ARHGEF26: variants seen among roughly 807,000 people sequenced by gnomAD.
ARHGEF26 encodes Rho guanine nucleotide exchange factor 26, also known as Rho guanine nucleotide exchange factor (GEF) 26.
ARHGEF26 carries 59 observed loss-of-function variants against 89.4 expected under a neutral mutation model. The observed-to-expected ratio is 0.66, with a 90% confidence interval of 0.54 to 0.82. The LOEUF is 0.82. ARHGEF26 is among the 40% of genes least tolerant of loss of function. The pLI is 0.00. For synonymous variants in ARHGEF26, 500 were observed against 428.4 expected, an observed-to-expected ratio of 1.17 and a Z score of -2.06; for missense variants, 1,234 against 1,085.6, an observed-to-expected ratio of 1.14 and a Z score of -1.92.
At chr3:154,132,352 C>G (rs192926469) in intron 4 of ARHGEF26, among the ~76,000 whole-genome samples, 82 of 152,176 alleles carry the variant, frequency 5.4e-4, no homozygotes, top group Non-Finnish European at 7.4e-5. Flanking sequence ...TCCTTCCTTT[C>G]CAGTTCTTTT....
intron 9 of ARHGEF26, among the ~76,000 whole-genome samples, chr3:154,213,109 A>C (rs560705345): frequency 4.6e-5 from 7 of 152,100 alleles, no homozygotes; most frequent in Non-Finnish European, 1.0e-4. Context: ...ATCTTACTGC[A>C]TACTGCCAGG....
At chr3:154,146,100 A>C (rs1391674379) in intron 4 of ARHGEF26, among the ~76,000 whole-genome samples, 1 of 152,230 alleles carries the variant, frequency 6.6e-6, no homozygotes, top group Non-Finnish European at 1.5e-5. Flanking sequence ...TATAAACAAC[A>C]GAAATTTATT....
At chr3:154,180,023 G>A (rs1226208508) in intron 6 of ARHGEF26, among the ~76,000 whole-genome samples, 1 of 152,106 alleles carries the variant, frequency 6.6e-6, no homozygotes, top group African/African-American at 2.4e-5. Flanking sequence ...TCAGCTTCTA[G>A]AAGTCACTTT....
chr3:154,248,819 A>C (rs1219361393), intron 12 of ARHGEF26, among the ~76,000 whole-genome samples: 1 of 152,242 alleles, frequency 6.6e-6, no homozygotes, highest in African/African-American at 2.4e-5. Flanking sequence ...GATTTTTTAA[A>C]ATTTGGCAAA....
intron 6 of ARHGEF26, among the ~76,000 whole-genome samples, chr3:154,175,708 G>T (rs116988958): frequency 6.6e-6 from 1 of 152,122 alleles, no homozygotes; most frequent in Non-Finnish European, 1.5e-5. Flanking sequence ...TCTCAATAAC[G>T]GAAGGAGGGT....
chr3:154,143,449 C>A (rs1482791617), intron 4 of ARHGEF26, among the ~76,000 whole-genome samples: 4 of 152,030 alleles, frequency 2.6e-5, no homozygotes, highest in African/African-American at 9.7e-5. Flanking sequence ...TTTTAAAGCC[C>A]ACATACTAGC....
chr3:154,149,403 A>G lies in ARHGEF26; in HGVS notation c.1284A>G (p.Gly428=). Residue 428 remains glycine, a synonymous_variant, in exon 5 of 15, where the codon GGA becomes GGG. Transcript: ENST00000465093. ...TTTTCTCCTAGGTGAAAAGAAAGGG[A>G]TTATCTCAGACAGTAAGCCAGGAGG... ...WSQLSAVKRK[G]LSQTVSQEER... 1 of 1,607,272 alleles carries G rather than the reference A, an allele frequency of 6.2e-7. No homozygotes were observed. Among genetic ancestry groups the G allele is most frequent in the Non-Finnish European group, 8.5e-7 (1 of 1,176,546 alleles).
In ARHGEF26 at chr3:154,254,789, C is replaced by CT; in HGVS notation, c.2439dup (p.Asp814Ter). On this transcript the variant is annotated frameshift_variant, in exon 14 of 15. Transcript: ENST00000465093. LOFTEE classifies it high-confidence loss of function. The stretch of plus-strand genomic sequence containing the variant: ...CCAGATGAACTCTCCCTGCAGGTGG[C>CT]TGACGTCGTCCTCATCTATCAACGT... 1 of 1,613,858 alleles carries CT rather than the reference C, an allele frequency of 6.2e-7. No homozygotes were observed. The highest frequency in any genetic ancestry group is 8.5e-7 in the Non-Finnish European group (1 of 1,179,834).
chr3:154,122,225 A>C lies in ARHGEF26; in HGVS notation c.233A>C (p.His78Pro). ...VPTASDSRTVHRSPLLLGAQR... is the reference protein window; with the variant it reads ...VPTASDSRTVPRSPLLLGAQR... ...ACCGCCTCGGACAGCAGGACGGTACATAGGAGCCCCCTGCTTCTGGGCGCC... is the reference window on the plus strand; with the variant it reads ...ACCGCCTCGGACAGCAGGACGGTACCTAGGAGCCCCCTGCTTCTGGGCGCC... Residue 78 changes from histidine (H) to proline (P), a missense_variant, in exon 2 of 15, where the codon CAT (histidine) becomes CCT (proline). Physicochemically the swap from His to Pro is moderately conservative, Grantham distance 77. Coordinates refer to ENST00000465093, the MANE Select transcript of ARHGEF26 (RefSeq NM_015595.4). 1.9e-6 allele frequency: 3 copies of C among 1,609,262 alleles called. No homozygotes were observed. Among genetic ancestry groups the C allele is most frequent in the Non-Finnish European group, 2.5e-6 (3 of 1,178,178 alleles).
intron 9 of ARHGEF26, among the ~76,000 whole-genome samples, chr3:154,210,734 G>A (rs1235296011): frequency 2.0e-5 from 3 of 150,440 alleles, no homozygotes; most frequent in Non-Finnish European, 4.4e-5. Context: ...CTGAGGTCAG[G>A]AGTTTGAGAC....
intron 9 of ARHGEF26, among the ~76,000 whole-genome samples, chr3:154,202,043 C>T (rs1714676786): frequency 6.6e-6 from 1 of 152,080 alleles, no homozygotes; most frequent in Non-Finnish European, 1.5e-5. Context: ...CTTTTGTTGC[C>T]ATTTGTTTTG....
intron 6 of ARHGEF26, among the ~76,000 whole-genome samples, chr3:154,162,846 A>G (rs1017395021): frequency 6.6e-6 from 1 of 152,170 alleles, no homozygotes; most frequent in African/African-American, 2.4e-5. Flanking sequence ...AATGAATGCA[A>G]ATGATTATGA....
chr3:154,250,070 G>A (rs921397844), intron 12 of ARHGEF26, among the ~76,000 whole-genome samples: 2 of 151,876 alleles, frequency 1.3e-5, no homozygotes, highest in African/African-American at 2.4e-5. Flanking sequence ...TGCTCTTGTC[G>A]CCTAGGCTGG....
At chr3:154,226,750 C>A (rs1241905582) in intron 11 of ARHGEF26, among the ~76,000 whole-genome samples, 2 of 151,828 alleles carry the variant, frequency 1.3e-5, no homozygotes, top group Admixed American at 6.6e-5. Context: ...GCACCCAACA[C>A]ATGTAAGGTC....
intron 11 of ARHGEF26, among the ~76,000 whole-genome samples, chr3:154,231,126 A>G (rs1395610889): frequency 6.6e-6 from 1 of 152,198 alleles, no homozygotes; most frequent in African/African-American, 2.4e-5. Context: ...TGTTCCTGAA[A>G]CACATGAAGC....
rs1188285552 is a variant in ARHGEF26 at position 154,122,498 on chromosome 3, C to G, written c.506C>G (p.Pro169Arg). Residue 169 changes from proline (P) to arginine (R), a missense_variant, in exon 2 of 15, where the codon CCG becomes CGG. Physicochemically the swap from Pro to Arg is moderately radical, Grantham distance 103. Transcript: ENST00000465093. ...EEDLTGLTAS[P>R]VPSPTANGLA... is the part of the protein sequence containing the mutation. The stretch of plus-strand genomic sequence containing the variant: ...GACCTTACTGGGTTGACTGCCAGCC[C>G]GGTGCCTTCGCCCACTGCAAATGGC... 1.2e-6 allele frequency: 2 copies of G among 1,613,068 alleles called. No individual in the cohort carries two copies. Among genetic ancestry groups the G allele is most frequent in the Admixed American group, 1.7e-5 (1 of 59,972 alleles).
At chr3:154,173,458 A>C (rs1044741622) in intron 6 of ARHGEF26, among the ~76,000 whole-genome samples, 2 of 152,216 alleles carry the variant, frequency 1.3e-5, no homozygotes, top group Admixed American at 1.3e-4. Flanking sequence ...AATTAATTAC[A>C]GTTCTTACAG....
At chr3:154,191,656 A>C (rs1713966295) in intron 8 of ARHGEF26, among the ~76,000 whole-genome samples, 1 of 152,226 alleles carries the variant, frequency 6.6e-6, no homozygotes, top group East Asian at 1.9e-4. Flanking sequence ...TCACCCACTT[A>C]CTCAGCATTT....
chr3:154,208,201 T>C (rs780129681), intron 9 of ARHGEF26, among the ~76,000 whole-genome samples: 2 of 152,166 alleles, frequency 1.3e-5, no homozygotes, highest in African/African-American at 4.8e-5. Flanking sequence ...GGCAAATGTT[T>C]ACCTATGTAA....
Sources: allele counts gnomAD v4.1 joint callset (sites outside exome capture counted in the v4.1 genomes callset), GRCh38; gene constraint gnomAD v4.1.1; transcripts MANE v1.5; gene names NCBI Gene and HGNC (gene_info 2026-07-23, HGNC 2026-07-21).